The following PPP1R9B variants were observed in gnomAD, a reference collection of about 807,000 sequenced individuals.
PPP1R9B encodes the protein neurabin-2.
A neutral mutation model predicts 75.8 loss-of-function variants in PPP1R9B; 17 were observed. The ratio of observed to expected loss-of-function variants is 0.22; its 90% CI spans 0.15 to 0.34. PPP1R9B has a LOEUF of 0.34. Among genes scored for constraint, PPP1R9B ranks in the 10% least tolerant of loss-of-function variants. PPP1R9B has a pLI of 1.00. For synonymous variants in PPP1R9B, 509 were observed against 535.4 expected (o/e 0.95, Z 0.68); for missense variants, 875 against 1,196.0 (o/e 0.73, Z 3.96).
chr17:50,150,494 C>T lies in PPP1R9B; in HGVS notation c.20G>A (p.Arg7Gln). 1 of 1,354,424 alleles carries T rather than the reference C, an allele frequency of 7.4e-7. No homozygotes were observed. The highest frequency in any genetic ancestry group is 1.7e-5 in the South Asian group (1 of 57,384). 83.9% of individuals were successfully genotyped at this position (1,354,424 alleles called of 1,614,324 possible). Residue 7 changes from arginine (R) to glutamine (Q), a missense_variant, in exon 1 of 10, where the codon CGG becomes CAG. Physicochemically the swap from Arg to Gln is conservative, Grantham distance 43 (BLOSUM62 1). Coordinates refer to ENST00000612501, the MANE Select transcript of PPP1R9B (RefSeq NM_032595.5). This position sits in a 1 kb window ranked among gnomAD's most constrained non-coding sequence, Gnocchi z 8.7. MMKTEP[R>Q]GPGGPLRSAS... Reference sequence around the variant, plus strand: ...GCTCCGGAGGGGACCCCCGGGCCCCCGTGGCTCCGTCTTCATCATGGTGGG... The same window carrying T: ...GCTCCGGAGGGGACCCCCGGGCCCCTGTGGCTCCGTCTTCATCATGGTGGG...
chr17:50,145,302 C>A, intron 1 of PPP1R9B, 57 bp from the exon 2 acceptor site: 1 of 1,604,986 alleles, frequency 6.2e-7, no homozygotes, highest in Non-Finnish European at 8.5e-7. Flanking sequence ...GCAGAACTGG[C>A]ATGAGGAGGC....
chr17:50,145,500 C>T (rs1912490826), intron 1 of PPP1R9B, among the ~76,000 whole-genome samples: 1 of 152,162 alleles, frequency 6.6e-6, no homozygotes, highest in African/African-American at 2.4e-5. Flanking sequence ...GTAGCTCCAA[C>T]CAGCGTGAGC....
rs371221743 is a variant in PPP1R9B at position 50,136,236 on chromosome 17, A to G, written c.2074-39T>C. The G allele has an allele frequency of 1.9e-6, 3 of 1,554,836 alleles. No individual in the cohort carries two copies. In the South Asian group the frequency reaches 3.4e-5, roughly 18 times the overall value. ...GCACGGCCCTGGGTTGGTGGGGGCCAGCAGGAGCCAAAGGGTACCCCCATC... is the reference window on the plus strand; with the variant it reads ...GCACGGCCCTGGGTTGGTGGGGGCCGGCAGGAGCCAAAGGGTACCCCCATC... On this transcript the variant is annotated intron_variant, in intron 7 of 9. Coordinates refer to ENST00000612501, the MANE Select transcript of PPP1R9B (RefSeq NM_032595.5).
At position 50,150,123 on chromosome 17, in the gene PPP1R9B, A is replaced by T. The variant is rs763277337; in HGVS notation, c.391T>A (p.Ser131Thr). The T allele has an allele frequency of 3.6e-5, 50 of 1,406,854 alleles. No individual in the cohort carries two copies. The South Asian group carries it at 3.8e-4, about 11-fold the overall frequency. The allele number at this position is 1,406,854 out of a possible 1,614,324, so 87.1% of individuals were successfully genotyped here. Residue 131 changes from serine (S) to threonine (T), a missense_variant, in exon 1 of 10, where the codon TCC becomes ACC. Around this residue, in one of 4 missense-constraint regions of PPP1R9B, gnomAD observed 145 missense variants for 226.1 expected, o/e 0.64. Coordinates refer to ENST00000612501, the MANE Select transcript of PPP1R9B (RefSeq NM_032595.5). This position sits in a 1 kb window ranked among gnomAD's most constrained non-coding sequence, Gnocchi z 8.7. ...TGCGGCGGCGGCGCAGGCTGCGCGG[A>T]GGGCGCGGGCTTGGAGTCGAAGCGG... ...VSRFDSKPAP[S>T]AQPAPPPHPP...
chr17:50,148,826 G>A (rs531223271), intron 1 of PPP1R9B, among the ~76,000 whole-genome samples: 2 of 152,366 alleles, frequency 1.3e-5, no homozygotes, highest in Admixed American at 1.3e-4. Flanking sequence ...AGGAATGTCC[G>A]GGTGAGGAAG....
At chr17:50,140,634 G>C (rs1395648052) in intron 4 of PPP1R9B, among the ~76,000 whole-genome samples, 1 of 152,208 alleles carries the variant, frequency 6.6e-6, no homozygotes, top group Non-Finnish European at 1.5e-5. Context: ...CTTCAGGAAG[G>C]GGCGGGATGA....
In PPP1R9B at chr17:50,149,760, G is replaced by A; in HGVS notation, c.754C>T (p.Gln252Ter). Residue 252 changes from glutamine to a stop codon, truncating the protein, a stop_gained, in exon 1 of 10, where the codon CAG becomes TAG. Coordinates refer to ENST00000612501, the MANE Select transcript of PPP1R9B (RefSeq NM_032595.5). LOFTEE classifies it high-confidence loss of function. The surrounding 1 kb of genome is among the most constrained non-coding windows in gnomAD (Gnocchi z 7.2). ...KLVSKRSRVF[Q>*]PPPPPPPAPS... is the part of the protein sequence containing the mutation. ...GCGGGCGGCGGCGGCGGCGGGGGCTGGAACACCCGGGACCGCTTGCTGACC... is the reference window on the plus strand; with the variant it reads ...GCGGGCGGCGGCGGCGGCGGGGGCTAGAACACCCGGGACCGCTTGCTGACC... 2 of 1,409,612 alleles carry A rather than the reference G, an allele frequency of 1.4e-6. No homozygotes were observed. The highest frequency in any genetic ancestry group is 1.8e-6 in the Non-Finnish European group (2 of 1,091,644). The allele number at this position is 1,409,612 out of a possible 1,614,324, so 87.3% of individuals were successfully genotyped here.
Position 50,139,257 on chromosome 17 carries a change from C to T in PPP1R9B, c.2073+6G>A. 1 of 1,614,052 alleles carries T rather than the reference C, an allele frequency of 6.2e-7. No individual in the cohort carries two copies. Among genetic ancestry groups the T allele is most frequent in the Non-Finnish European group, 8.5e-7 (1 of 1,179,902 alleles). On this transcript the variant is annotated splice_donor_region_variant and intron_variant, in intron 7 of 9. Coordinates refer to ENST00000612501, the MANE Select transcript of PPP1R9B (RefSeq NM_032595.5). The surrounding 1 kb of genome is among the most constrained non-coding windows in gnomAD (Gnocchi z 5.0). ...CACGCAAAAGCACACACATACGCAC[C>T]CTTACCTTTCTTTTCAGCTGCTGGA...
intron 3 of PPP1R9B, among the ~76,000 whole-genome samples, chr17:50,143,370 G>A (rs1912435948): frequency 6.6e-6 from 1 of 152,198 alleles, no homozygotes; most frequent in African/African-American, 2.4e-5. Context: ...CCCTCCTGGA[G>A]AACACACGCT....
In PPP1R9B at chr17:50,149,856, A is replaced by G; in HGVS notation, c.658T>C (p.Ser220Pro). The part of the protein sequence containing the change: ...QLSAVFEKAD[S>P]RTGLHRGPGL... The stretch of plus-strand genomic sequence containing the variant: ...GGCCCGCGGTGGAGGCCGGTCCTCG[A>G]GTCGGCCTTCTCGAAGACGGCGCTG... The change falls in exon 1 of 10, where the codon TCG (serine) becomes CCG (proline). Residue 220 changes from serine to proline, a missense_variant. Ser to Pro is a moderately conservative substitution (Grantham distance 74). Around this residue, in one of 4 missense-constraint regions of PPP1R9B, gnomAD observed 449 missense variants for 475.0 expected, o/e 0.95. Coordinates refer to ENST00000612501, the MANE Select transcript of PPP1R9B (RefSeq NM_032595.5). This position sits in a 1 kb window ranked among gnomAD's most constrained non-coding sequence, Gnocchi z 7.2. The G allele has an allele frequency of 6.7e-7, 1 of 1,489,490 alleles. No homozygotes were observed. Among genetic ancestry groups the G allele is most frequent in the South Asian group, 1.3e-5 (1 of 79,294 alleles). 92.3% of individuals were successfully genotyped at this position (1,489,490 alleles called of 1,614,324 possible). A position where few individuals can be genotyped will look rare whatever the true frequency, so the allele number is the denominator to read the frequency against.
intron 1 of PPP1R9B, among the ~76,000 whole-genome samples, 166 bp downstream of exon 1, chr17:50,148,977 A>T (rs967765989): frequency 6.6e-6 from 1 of 151,808 alleles, no homozygotes; most frequent in South Asian, 2.1e-4. Context: ...TCTGACAAAC[A>T]GCTGGAACTC....
At chr17:50,145,032 A>G in intron 2 of PPP1R9B, 81 bp downstream of exon 2, 1 of 1,526,160 alleles carries the variant, frequency 6.6e-7, no homozygotes, top group Non-Finnish European at 8.8e-7. Flanking sequence ...CCCTGAGGGC[A>G]CAGGGCAGGA....
chr17:50,141,450 A>C, intron 3 of PPP1R9B, 77 bp from the exon 4 acceptor site: 1 of 910,758 alleles, frequency 1.1e-6, no homozygotes, highest in Non-Finnish European at 1.7e-6. Flanking sequence ...CCCATCAGAA[A>C]CTCCAGGCTC....
chr17:50,136,640 C>T (rs1912238430), intron 7 of PPP1R9B, among the ~76,000 whole-genome samples: 2 of 152,092 alleles, frequency 1.3e-5, no homozygotes. Context: ...CAGCCCTGCT[C>T]GCCAGTCTCT....
chr17:50,135,939 C>A, intron 8 of PPP1R9B, 29 bp downstream of exon 8: 1 of 1,335,562 alleles, frequency 7.5e-7, no homozygotes. Context: ...GCTCCCTGGG[C>A]CCAGCCCGCC....
chr17:50,139,723 GGACCAGA>G lies in PPP1R9B; in HGVS notation c.1867-149_1867-143del. The G allele has an allele frequency of 1.0e-6, 1 of 980,152 alleles. No individual in the cohort carries two copies. Among genetic ancestry groups the G allele is most frequent in the Admixed American group, 2.7e-5 (1 of 37,714 alleles). 60.7% of individuals were successfully genotyped at this position (980,152 alleles called of 1,614,324 possible). On this transcript the variant is annotated intron_variant, in intron 5 of 9. Coordinates refer to ENST00000612501, the MANE Select transcript of PPP1R9B (RefSeq NM_032595.5). The surrounding 1 kb of genome is among the most constrained non-coding windows in gnomAD (Gnocchi z 5.0). ...ATGCCTCCCACTTCAGCCTGAGGCT[GGACCAGA>G]GACACGGTTTATGTCTTCCCCCAAC...
At position 50,150,641 on chromosome 17, in the gene PPP1R9B, C is replaced by G; in HGVS notation, c.-128G>C. The G allele has an allele frequency of 1.0e-6, 1 of 977,304 alleles. No homozygotes were observed. The highest frequency in any genetic ancestry group is 1.3e-6 in the Non-Finnish European group (1 of 754,738). The allele number at this position is 977,304 out of a possible 1,614,324, so 60.5% of individuals were successfully genotyped here. A position where few individuals can be genotyped will look rare whatever the true frequency, so the allele number is the denominator to read the frequency against. On this transcript the variant is annotated 5_prime_UTR_variant, in exon 1 of 10. Coordinates refer to ENST00000612501, the MANE Select transcript of PPP1R9B (RefSeq NM_032595.5). The surrounding 1 kb of genome is among the most constrained non-coding windows in gnomAD (Gnocchi z 8.7). ...CCCCGAAGGCCTTTTTTAGGGTCCC[C>G]CCAAAACCAAGCTGCCAAAAACAGT...
Position 50,149,729 on chromosome 17 carries a change from G to A in PPP1R9B, c.785C>T (p.Ser262Leu), listed in dbSNP as rs1912631977. 1.4e-6 allele frequency: 2 copies of A among 1,408,156 alleles called. No individual in the cohort carries two copies. Among genetic ancestry groups the A allele is most frequent in the Admixed American group, 3.3e-5 (1 of 30,432 alleles). 87.2% of individuals were successfully genotyped at this position (1,408,156 alleles called of 1,614,324 possible). A position where few individuals can be genotyped will look rare whatever the true frequency, so the allele number is the denominator to read the frequency against. The change falls in exon 1 of 10, where the codon TCG (serine) becomes TTG (leucine). Residue 262 changes from serine to leucine, a missense_variant. Ser to Leu is a moderately radical substitution (Grantham distance 145, BLOSUM62 -2). Coordinates refer to ENST00000612501, the MANE Select transcript of PPP1R9B (RefSeq NM_032595.5). This position sits in a 1 kb window ranked among gnomAD's most constrained non-coding sequence, Gnocchi z 7.2. ...QPPPPPPPAPSGDAPAEKERC... is the reference protein window; with the variant it reads ...QPPPPPPPAPLGDAPAEKERC... ...CTCTTTCTCGGCCGGGGCATCCCCCGACGGGGCGGGCGGCGGCGGCGGCGG... is the reference window on the plus strand; with the variant it reads ...CTCTTTCTCGGCCGGGGCATCCCCCAACGGGGCGGGCGGCGGCGGCGGCGG...
At chr17:50,148,956 G>GA (rs549831630) in intron 1 of PPP1R9B, among the ~76,000 whole-genome samples, 187 bp downstream of exon 1, 2 of 152,052 alleles carry the variant, frequency 1.3e-5, no homozygotes, top group African/African-American at 4.8e-5. Flanking sequence ...TCGCACACCT[G>GA]AAAATCCCTC....
Sources: gnomAD v4.1 joint callset for allele counts (sites outside exome capture counted in the v4.1 genomes callset) on GRCh38, gnomAD v4.1.1 for gene constraint, gnomAD v4.1.1 regional missense constraint, Gnocchi (gnomAD v3.1) non-coding constraint, MANE v1.5 for transcripts, NCBI Gene and HGNC (gene_info 2026-07-23, HGNC 2026-07-21) for gene names.